Variants in PDE4D observed in about 807,000 individuals in gnomAD.
PDE4D encodes the protein phosphodiesterase 4D.
A neutral mutation model predicts 87.4 loss-of-function variants in PDE4D; 24 were observed. The ratio of observed to expected loss-of-function variants is 0.27; its 90% CI spans 0.20 to 0.39. The LOEUF (loss-of-function observed/expected upper bound fraction) is 0.39. Among genes scored for constraint, PDE4D ranks in the 10% least tolerant of loss-of-function variants. PDE4D has a pLI of 1.00. For synonymous variants in PDE4D, 384 were observed against 383.2 expected (o/e 1.00, Z -0.02); for missense variants, 714 against 1,041.0 (o/e 0.69, Z 4.32).
intron 5 of PDE4D, among the ~76,000 whole-genome samples, chr5:59,129,874 C>A (rs114246904): frequency 1.3e-5 from 2 of 152,074 alleles, no homozygotes; most frequent in Non-Finnish European, 2.9e-5. Flanking sequence ...TAAAATATGA[C>A]CCTACCTTGC....
At chr5:59,609,162 T>C (rs1451687308) in intron 1 of PDE4D, among the ~76,000 whole-genome samples, 1 of 151,874 alleles carries the variant, frequency 6.6e-6, no homozygotes, top group African/African-American at 2.4e-5. Flanking sequence ...AAAGGCAGGA[T>C]TGGATGGGAA....
chr5:60,163,528 T>C (rs1782635228), intron 2 of PDE4D, among the ~76,000 whole-genome samples: 1 of 152,158 alleles, frequency 6.6e-6, no homozygotes, highest in South Asian at 2.1e-4. Context: ...ACAGCAAAGG[T>C]AGTCTGACAA....
chr5:60,215,542 G>T (rs1208427285), intron 1 of PDE4D, among the ~76,000 whole-genome samples: 2 of 152,030 alleles, frequency 1.3e-5, no homozygotes, highest in Admixed American at 6.5e-5. Flanking sequence ...ATTTTCCAAA[G>T]AAAATACAGT....
intron 1 of PDE4D, among the ~76,000 whole-genome samples, chr5:59,793,944 T>C (rs1766123764): frequency 6.6e-6 from 1 of 152,168 alleles, no homozygotes; most frequent in Admixed American, 6.5e-5. Context: ...ATACAGCTCA[T>C]ATATACAGCT....
intron 1 of PDE4D, among the ~76,000 whole-genome samples, chr5:60,390,660 A>C (rs985359225): frequency 6.6e-6 from 1 of 151,980 alleles, no homozygotes; most frequent in Admixed American, 6.6e-5. Flanking sequence ...AAAAAAAAAA[A>C]AACAAGAACC....
At chr5:59,973,130 C>T (rs1368226372) in intron 3 of PDE4D, among the ~76,000 whole-genome samples, 3 of 152,052 alleles carry the variant, frequency 2.0e-5, no homozygotes, top group Non-Finnish European at 4.4e-5. Flanking sequence ...TTCCCAGTAC[C>T]TCAAACTGTG....
chr5:59,837,983 T>C (rs923840856), intron 1 of PDE4D, among the ~76,000 whole-genome samples: 4 of 152,152 alleles, frequency 2.6e-5, no homozygotes, highest in African/African-American at 7.2e-5. Flanking sequence ...TGCTCAGTAA[T>C]GATGACAATT....
At position 59,893,466 on chromosome 5, in the gene PDE4D, G is replaced by C; in HGVS notation, c.157C>G (p.Pro53Ala). Residue 53 changes from proline (P) to alanine (A), a missense_variant, in exon 1 of 15, where the codon CCC (proline) becomes GCC (alanine). Physicochemically the swap from Pro to Ala is conservative, Grantham distance 27. Coordinates refer to ENST00000340635, the MANE Select transcript of PDE4D (RefSeq NM_001104631.2). ...LRQPQFRLLHPHHHLPPPPPP... is the reference protein window; with the variant it reads ...LRQPQFRLLHAHHHLPPPPPP... ...GGCGGCGGGGGCAGGTGGTGATGGGGATGCAGGAGGCGGAACTGGGGCTGC... is the reference window on the plus strand; with the variant it reads ...GGCGGCGGGGGCAGGTGGTGATGGGCATGCAGGAGGCGGAACTGGGGCTGC... 1 of 1,533,538 alleles carries C rather than the reference G, an allele frequency of 6.5e-7. No individual in the cohort carries two copies. 95.0% of individuals were successfully genotyped at this position (1,533,538 alleles called of 1,614,324 possible). A position where few individuals can be genotyped will look rare whatever the true frequency, so the allele number is the denominator to read the frequency against.
chr5:59,607,881 TAAG>T (rs1046629694), intron 1 of PDE4D, among the ~76,000 whole-genome samples: 4 of 152,098 alleles, frequency 2.6e-5, no homozygotes, highest in African/African-American at 7.2e-5. Flanking sequence ...ACTGGTACAA[TAAG>T]AAGAAGCTGA....
At chr5:59,271,788 C>T (rs1763884139) in intron 1 of PDE4D, among the ~76,000 whole-genome samples, 1 of 151,968 alleles carries the variant, frequency 6.6e-6, no homozygotes, top group Non-Finnish European at 1.5e-5. Flanking sequence ...CTTGCTAATA[C>T]ATATAGTAGG....
chr5:59,225,144 G>C (rs1753475091), intron 1 of PDE4D, among the ~76,000 whole-genome samples: 1 of 152,116 alleles, frequency 6.6e-6, no homozygotes, highest in South Asian at 2.1e-4. Context: ...ACAGCTTCAG[G>C]TGTTATAATT....
chr5:59,830,115 T>G (rs1216936918), intron 1 of PDE4D, among the ~76,000 whole-genome samples: 1 of 152,126 alleles, frequency 6.6e-6, no homozygotes, highest in East Asian at 1.9e-4. Context: ...GTGCTCACAT[T>G]GGCAAGTGCA....
At chr5:59,597,982 T>C (rs1826945809) in intron 1 of PDE4D, among the ~76,000 whole-genome samples, 1 of 152,082 alleles carries the variant, frequency 6.6e-6, no homozygotes, top group Admixed American at 6.6e-5. Context: ...CCTAAAAAAA[T>C]CGCAATAGAC....
At chr5:59,723,696 T>G in intron 1 of PDE4D, among the ~76,000 whole-genome samples, 1 of 152,136 alleles carries the variant, frequency 6.6e-6, no homozygotes, top group East Asian at 1.9e-4. Context: ...CCATATGGGT[T>G]TTCACATTAA....
chr5:59,968,134 G>A (rs776539797), intron 3 of PDE4D, among the ~76,000 whole-genome samples: 6 of 151,708 alleles, frequency 4.0e-5, no homozygotes, highest in Admixed American at 6.6e-5. Context: ...ACAGGCATGC[G>A]CCACCACGCC....
intron 1 of PDE4D, among the ~76,000 whole-genome samples, chr5:59,429,023 T>C (rs935913232): frequency 9.8e-5 from 15 of 152,306 alleles, no homozygotes; most frequent in Admixed American, 2.6e-4. Flanking sequence ...GGTATATGTC[T>C]GAAATTTTCT....
intron 1 of PDE4D, among the ~76,000 whole-genome samples, chr5:59,670,363 C>G (rs1746984763): frequency 6.6e-6 from 1 of 152,150 alleles, no homozygotes; most frequent in Non-Finnish European, 1.5e-5. Context: ...AAATGTTCCA[C>G]AATCCAAAAC....
chr5:59,373,170 C>A (rs1784202160), intron 1 of PDE4D, among the ~76,000 whole-genome samples: 2 of 152,102 alleles, frequency 1.3e-5, no homozygotes, highest in Non-Finnish European at 2.9e-5. Flanking sequence ...AGCTTCTAAA[C>A]CAGGCTGAGA....
Position 60,049,294 on chromosome 5 carries a change from C to G in PDE4D, c.43-60577G>C, listed in dbSNP as rs551007072. On this transcript the variant is annotated intron_variant, in intron 2 of 16. Coordinates refer to the PDE4D transcript ENST00000502484. ...CAATTTTTTTCAAAGTTTTCAACTT[C>G]TTTACCTTTGGTTTGAATGTCCTCC... is the stretch of plus-strand genomic sequence containing the variant. Among the ~76,000 whole-genome samples, 554 of 152,266 alleles carry G rather than the reference C, an allele frequency of 3.6e-3. 6 individuals carry two copies. Among genetic ancestry groups the G allele is most frequent in the African/African-American group, 0.013 (534 of 41,544 alleles).
Sources: gnomAD v4.1 joint callset for allele counts (sites outside exome capture counted in the v4.1 genomes callset) on GRCh38, gnomAD v4.1.1 for gene constraint, MANE v1.5 for transcripts, NCBI Gene and HGNC (gene_info 2026-07-23, HGNC 2026-07-21) for gene names.